Variants in LIMS1 observed in about 807,000 individuals in gnomAD.
LIMS1 encodes the protein LIM zinc finger domain containing 1.
LIMS1 carries 18 observed loss-of-function variants against 44.1 expected under a neutral mutation model. The observed-to-expected ratio is 0.41, with a 90% CI of 0.28 to 0.61. The LOEUF (loss-of-function observed/expected upper bound fraction) is 0.61. Among genes scored for constraint, LIMS1 ranks in the 20% least tolerant of loss-of-function variants. The pLI, the probability that LIMS1 is intolerant of heterozygous loss-of-function variation, is 0.32. For missense variants in LIMS1, 201 were observed against 422.0 expected (o/e 0.48, Z 4.59); for synonymous variants, 93 against 149.1 (o/e 0.62, Z 2.74).
chr2:108,591,813 G>A lies in LIMS1; in HGVS notation c.32+57219G>A, dbSNP rs997675034. On this transcript the variant is annotated intron_variant, in intron 1 of 9. Transcript: ENST00000544547. ...AGTTTTTTTTTTTGTTTTTTTTTTT[G>A]AGACAGAGTCTCGCCCTGTCATCCA... Among the ~76,000 whole-genome samples, 5 of 93,468 alleles carry A rather than the reference G, an allele frequency of 5.3e-5. No homozygotes were observed. The East Asian group carries it at 1.8e-3, about 33-fold the overall frequency. The allele number at this position is 93,468 out of a possible 152,430, so 61.3% of individuals were successfully genotyped here.
At chr2:108,545,426 G>A (rs868480693) in intron 1 of LIMS1, among the ~76,000 whole-genome samples, 9 of 152,108 alleles carry the variant, frequency 5.9e-5, no homozygotes, top group Admixed American at 1.3e-4. Flanking sequence ...GTAGAGACGC[G>A]GTTTCACCAT....
rs189191923 is a variant in LIMS1, at chr2:108,646,942, C to T, written c.33-12663C>T. The stretch of plus-strand genomic sequence containing the variant: ...TTCACCGCGTTAGCCAGGATGGTCT[C>T]GATCTCCTGATCTCGTGATCCGCCC... On this transcript the variant is annotated intron_variant, in intron 1 of 9. Transcript: ENST00000544547. 1.1e-4 allele frequency among the ~76,000 whole-genome samples: 17 copies of T among 152,154 alleles called. No homozygotes were observed. The East Asian group carries it at 3.1e-3, about 28-fold the overall frequency.
intron 1 of LIMS1, among the ~76,000 whole-genome samples, chr2:108,610,297 C>T (rs911886124): frequency 1.3e-5 from 2 of 151,878 alleles, no homozygotes; most frequent in Admixed American, 1.3e-4. Flanking sequence ...AGTTCTTCTG[C>T]CTTGGCCTCC....
At chr2:108,550,456 G>C (rs759536830) in intron 1 of LIMS1, among the ~76,000 whole-genome samples, 5 of 151,352 alleles carry the variant, frequency 3.3e-5, no homozygotes, top group Admixed American at 6.6e-5. Context: ...CCAAGATCAC[G>C]CCACTGCACT....
chr2:108,672,148 CAA>C (rs1183488159), intron 3 of LIMS1, among the ~76,000 whole-genome samples, 175 bp from the exon 4 acceptor site: 2 of 95,222 alleles, frequency 2.1e-5, no homozygotes, highest in Non-Finnish European at 3.8e-5. Context: ...GCCTGGACAA[CAA>C]GAGCGAAACT....
chr2:108,551,778 T>C (rs1456174947), intron 1 of LIMS1, among the ~76,000 whole-genome samples: 2 of 146,192 alleles, frequency 1.4e-5, no homozygotes, highest in South Asian at 2.1e-4. Context: ...GTATATCATA[T>C]ACAATATACA....
intron 1 of LIMS1, among the ~76,000 whole-genome samples, chr2:108,578,156 G>A (rs760553806): frequency 1.1e-4 from 16 of 152,122 alleles, no homozygotes; most frequent in Non-Finnish European, 1.9e-4. Context: ...TGATCCACCC[G>A]CCTTGGCCTC....
intron 1 of LIMS1, among the ~76,000 whole-genome samples, chr2:108,657,393 G>A (rs867104312): frequency 8.5e-5 from 13 of 152,304 alleles, no homozygotes; most frequent in East Asian, 1.9e-4. Context: ...ATATATATGA[G>A]CAGCATCTTA....
intron 1 of LIMS1, among the ~76,000 whole-genome samples, chr2:108,554,147 T>C (rs1340416805): frequency 6.6e-6 from 1 of 152,162 alleles, no homozygotes; most frequent in Non-Finnish European, 1.5e-5. Flanking sequence ...GAACACCTTG[T>C]TATTCTGAAG....
intron 1 of LIMS1, among the ~76,000 whole-genome samples, chr2:108,589,063 G>A (rs147518501): frequency 1.7e-4 from 26 of 152,062 alleles, no homozygotes; most frequent in African/African-American, 5.1e-4. Flanking sequence ...TAGGGTCTTT[G>A]GTGGGGAAAT....
intron 1 of LIMS1, among the ~76,000 whole-genome samples, chr2:108,572,279 A>G (rs929801644): frequency 2.6e-5 from 4 of 151,942 alleles, no homozygotes; most frequent in South Asian, 2.1e-4. Flanking sequence ...CTTGTATTCA[A>G]TTTTACAATA....
chr2:108,668,164 A>G (rs1691918719), intron 2 of LIMS1, among the ~76,000 whole-genome samples: 1 of 152,196 alleles, frequency 6.6e-6, no homozygotes, highest in Non-Finnish European at 1.5e-5. Context: ...TATTTAACGT[A>G]TCCATCACCT....
intron 1 of LIMS1, among the ~76,000 whole-genome samples, chr2:108,547,599 A>G (rs13410479): frequency 0.033 from 5,086 of 152,292 alleles, 177 homozygotes; most frequent in South Asian, 0.14. Flanking sequence ...GCATAGGAAT[A>G]TAGGTTAAAA....
In LIMS1 at chr2:108,669,722, T is replaced by TA. The variant is rs60098338; in HGVS notation, c.193-1047dup. Among the ~76,000 whole-genome samples, 40 of 147,168 alleles carry TA rather than the reference T, an allele frequency of 2.7e-4. No homozygotes were observed. In the Middle Eastern group the frequency reaches 0.01, roughly 38 times the overall value. ...AAAAGGCTTCTTAGCATTTCTCTAT[T>TA]AAAAAAAAAAAAGGAACACCCAAAA... On this transcript the variant is annotated intron_variant, in intron 2 of 9. Coordinates refer to ENST00000544547, the Ensembl canonical transcript of LIMS1.
At chr2:108,610,521 C>T (rs1687543760) in intron 1 of LIMS1, among the ~76,000 whole-genome samples, 1 of 152,110 alleles carries the variant, frequency 6.6e-6, no homozygotes, top group East Asian at 1.9e-4. Context: ...CAGGGCTGGT[C>T]CCTGAGGAGA....
chr2:108,649,292 T>A (rs1690293173), intron 1 of LIMS1, among the ~76,000 whole-genome samples: 1 of 152,154 alleles, frequency 6.6e-6, no homozygotes, highest in African/African-American at 2.4e-5. Flanking sequence ...CTCACACCAG[T>A]TAGAATAGTG....
intron 7 of LIMS1, 70 bp from the exon 8 acceptor site, chr2:108,677,909 A>G (rs777968365): frequency 6.5e-7 from 1 of 1,530,458 alleles, no homozygotes; most frequent in Non-Finnish European, 8.8e-7. Context: ...ATAGCCAGCT[A>G]TTTTTAAATG....
intron 1 of LIMS1, among the ~76,000 whole-genome samples, chr2:108,581,287 G>A (rs1184015066): frequency 2.6e-5 from 4 of 152,284 alleles, no homozygotes; most frequent in African/African-American, 4.8e-5. Context: ...CCCGCCAGTC[G>A]TAAGCTGCCA....
intron 1 of LIMS1, among the ~76,000 whole-genome samples, chr2:108,570,749 G>T (rs1231094176): frequency 6.6e-6 from 1 of 152,132 alleles, no homozygotes; most frequent in African/African-American, 2.4e-5. Flanking sequence ...CTGGAGGTCC[G>T]CAGTGCTGAG....
Sources: gnomAD v4.1 joint callset for allele counts (sites outside exome capture counted in the v4.1 genomes callset) on GRCh38, gnomAD v4.1.1 for gene constraint, MANE v1.5 for transcripts, NCBI Gene and HGNC (gene_info 2026-07-23, HGNC 2026-07-21) for gene names.